SEPTIN10: variants seen among roughly 807,000 people sequenced by gnomAD.
SEPTIN10 encodes the protein septin-10.
In SEPTIN10, 66 loss-of-function variants were observed where a neutral mutation model predicts 54.8. The observed-to-expected ratio is 1.21, with a 90% CI of 0.99 to 1.48. The LOEUF (loss-of-function observed/expected upper bound fraction) is 1.48, where lower values mean the gene tolerates loss of function less well. Ranked by LOEUF, SEPTIN10 falls within the 40% of genes most tolerant of loss-of-function variation. SEPTIN10 has a pLI of 0.00. For synonymous variants in SEPTIN10, 161 were observed against 181.0 expected, an observed-to-expected ratio of 0.89 and a Z score of 0.89; for missense variants, 620 against 545.6, an observed-to-expected ratio of 1.14 and a Z score of -1.36.
At chr2:109,593,165 C>T (rs749807752) in intron 1 of SEPTIN10, 46 bp from the exon 2 acceptor site, 2 of 1,245,408 alleles carry the variant, frequency 1.6e-6, no homozygotes, top group Non-Finnish European at 2.3e-6. Context: ...AAACATTACT[C>T]CCCAAACCCC....
intron 5 of SEPTIN10, among the ~76,000 whole-genome samples, chr2:109,573,151 G>A (rs1688799218): frequency 6.6e-6 from 1 of 152,024 alleles, no homozygotes; most frequent in Non-Finnish European, 1.5e-5. Context: ...TCTGCCTCTT[G>A]AGGTAGTTCT....
chr2:109,589,102 GT>G, intron 2 of SEPTIN10, among the ~76,000 whole-genome samples: 1 of 151,952 alleles, frequency 6.6e-6, no homozygotes, highest in South Asian at 2.1e-4. Flanking sequence ...AATTTTTGTG[GT>G]TTTTTTGTTT....
At chr2:109,579,384 CCTT>C (rs944885081) in intron 4 of SEPTIN10, among the ~76,000 whole-genome samples, 14 of 150,920 alleles carry the variant, frequency 9.3e-5, no homozygotes, top group African/African-American at 3.4e-4. Context: ...TCCAGGCCCT[CCTT>C]TTTTTTTTTT....
chr2:109,561,280 GCTCAAAATAGCCA>G (rs1685599558), intron 8 of SEPTIN10, among the ~76,000 whole-genome samples: 1 of 152,022 alleles, frequency 6.6e-6, no homozygotes, highest in African/African-American at 2.4e-5. Flanking sequence ...AGTTACTACA[GCTCAAAATAGCCA>G]CTGCCTCAAG....
intron 7 of SEPTIN10, among the ~76,000 whole-genome samples, chr2:109,565,368 T>C (rs1686724067): frequency 6.6e-6 from 1 of 152,326 alleles, no homozygotes; most frequent in Admixed American, 6.5e-5. Context: ...ACTTTTTAAG[T>C]TGGCTGACTG....
At chr2:109,587,931 C>T (rs1018275370) in intron 2 of SEPTIN10, among the ~76,000 whole-genome samples, 3 of 149,674 alleles carry the variant, frequency 2.0e-5, no homozygotes, top group African/African-American at 7.4e-5. Flanking sequence ...AAAACAAAAA[C>T]AAACACACAC....
intron 4 of SEPTIN10, among the ~76,000 whole-genome samples, chr2:109,577,598 T>TA (rs566368167): frequency 0.2 from 26,902 of 133,194 alleles, 3,209 homozygotes; most frequent in Non-Finnish European, 0.29. Flanking sequence ...CCTCAAAATT[T>TA]AAAAAAAAAA....
intron 4 of SEPTIN10, among the ~76,000 whole-genome samples, chr2:109,579,663 A>G (rs1055511165): frequency 1.3e-5 from 2 of 150,968 alleles, no homozygotes; most frequent in Non-Finnish European, 2.9e-5. Flanking sequence ...GATTACAGGC[A>G]TGAGCCACCA....
chr2:109,565,696 G>T, intron 7 of SEPTIN10, 67 bp downstream of exon 7: 1 of 1,292,478 alleles, frequency 7.7e-7, no homozygotes, highest in South Asian at 1.2e-5. Flanking sequence ...CCCCAAAGAA[G>T]GCATGACAGG....
At chr2:109,588,760 G>A (rs1023708103) in intron 2 of SEPTIN10, among the ~76,000 whole-genome samples, 1 of 150,948 alleles carries the variant, frequency 6.6e-6, no homozygotes, top group Non-Finnish European at 1.5e-5. Context: ...CAAAGTGCTA[G>A]GATTACAGGC....
chr2:109,563,203 C>T (rs1232635482), intron 8 of SEPTIN10, among the ~76,000 whole-genome samples: 1 of 152,174 alleles, frequency 6.6e-6, no homozygotes, highest in African/African-American at 2.4e-5. Flanking sequence ...TGAACCACCA[C>T]ACCCGGCCAT....
chr2:109,558,381 A>G (rs1684867030), intron 8 of SEPTIN10, among the ~76,000 whole-genome samples: 2 of 152,186 alleles, frequency 1.3e-5, no homozygotes, highest in Admixed American at 6.5e-5. Context: ...TAAACTACTA[A>G]GCATACATCT....
rs183697892 is a variant in SEPTIN10 at position 109,599,590 on chromosome 2, G to C, written c.31-6471C>G. On this transcript the variant is annotated intron_variant, in intron 1 of 10. Transcript: ENST00000397712. The stretch of plus-strand genomic sequence containing the variant: ...GAGGGTGTCAGTACAGCAAGGCTTA[G>C]GGTTGTCCAATCCCAGCAAAATAGC... 5.3e-5 allele frequency among the ~76,000 whole-genome samples: 8 copies of C among 152,194 alleles called. No individual in the cohort carries two copies. In the East Asian group the frequency reaches 1.5e-3, roughly 29 times the overall value.
intron 2 of SEPTIN10, among the ~76,000 whole-genome samples, chr2:109,591,934 T>A (rs4482487): frequency 0.13 from 20,502 of 152,004 alleles, 1,869 homozygotes; most frequent in African/African-American, 0.26. Context: ...ACTTACTGAA[T>A]TACCTATGTT....
At chr2:109,553,300 T>TG in intron 8 of SEPTIN10, 81 bp from the exon 9 acceptor site, 4 of 1,453,140 alleles carry the variant, frequency 2.8e-6, no homozygotes, top group Non-Finnish European at 3.8e-6. Context: ...ATCCCAACAC[T>TG]TTGGGAGGCC....
At chr2:109,546,688 C>G (rs1681336959) in intron 9 of SEPTIN10, among the ~76,000 whole-genome samples, 1 of 152,044 alleles carries the variant, frequency 6.6e-6, no homozygotes, top group Non-Finnish European at 1.5e-5. Flanking sequence ...TAGTAAACAT[C>G]ACTGGAAAGC....
chr2:109,600,120 G>A (rs758766100), intron 1 of SEPTIN10, among the ~76,000 whole-genome samples: 45 of 152,302 alleles, frequency 3.0e-4, no homozygotes, highest in Non-Finnish European at 4.6e-4. Context: ...ACTGGGCACA[G>A]TAGGGATGTC....
chr2:109,600,053 A>G (rs1300468052), intron 1 of SEPTIN10, among the ~76,000 whole-genome samples: 2 of 152,152 alleles, frequency 1.3e-5, no homozygotes, highest in Non-Finnish European at 1.5e-5. Context: ...GAGCCTTTGG[A>G]ATCTGCTGCA....
intron 8 of SEPTIN10, among the ~76,000 whole-genome samples, chr2:109,560,163 G>A (rs374335335): frequency 2.0e-5 from 3 of 151,940 alleles, no homozygotes; most frequent in Non-Finnish European, 2.9e-5. Flanking sequence ...CTCGTGATCC[G>A]CCCGCCTCAG....
Sources: gnomAD v4.1 joint callset for allele counts (sites outside exome capture counted in the v4.1 genomes callset) on GRCh38, gnomAD v4.1.1 for gene constraint, MANE v1.5 for transcripts, NCBI Gene and HGNC (gene_info 2026-07-23, HGNC 2026-07-21) for gene names.